RPS6KA2: variants seen among roughly 807,000 people sequenced by gnomAD.
RPS6KA2 encodes ribosomal protein S6 kinase A2, also known as ribosomal protein S6 kinase alpha-2.
In RPS6KA2, 42 loss-of-function variants were observed where a neutral mutation model predicts 91.8. The observed-to-expected ratio is 0.46, with a 90% CI of 0.36 to 0.59. The LOEUF (loss-of-function observed/expected upper bound fraction) is 0.59, where lower values mean the gene tolerates loss of function less well. Among genes scored for constraint, RPS6KA2 ranks in the 20% least tolerant of loss-of-function variants. RPS6KA2 has a pLI of 0.00. For missense variants in RPS6KA2, 798 were observed against 978.5 expected, an observed-to-expected ratio of 0.82 and a Z score of 2.46; for synonymous variants, 414 against 393.6, an observed-to-expected ratio of 1.05 and a Z score of -0.61.
intron 1 of RPS6KA2, among the ~76,000 whole-genome samples, chr6:166,540,190 T>C (rs1783610264): frequency 6.6e-6 from 1 of 152,206 alleles, no homozygotes; most frequent in Non-Finnish European, 1.5e-5. Context: ...GACTTCCAAA[T>C]GAAATCACAA....
At chr6:166,637,344 C>A (rs1787279059) in intron 2 of RPS6KA2, among the ~76,000 whole-genome samples, 1 of 152,224 alleles carries the variant, frequency 6.6e-6, no homozygotes, top group African/African-American at 2.4e-5. Context: ...CCAACAGGGA[C>A]CTCCAGGAGA....
At chr6:166,542,094 A>G (rs937516294) in intron 1 of RPS6KA2, among the ~76,000 whole-genome samples, 5 of 152,116 alleles carry the variant, frequency 3.3e-5, no homozygotes, top group African/African-American at 1.2e-4. Flanking sequence ...ACAAAACAAA[A>G]CAAACAAAGA....
chr6:166,458,383 G>A (rs1209207132), intron 12 of RPS6KA2, among the ~76,000 whole-genome samples: 2 of 152,190 alleles, frequency 1.3e-5, no homozygotes, highest in African/African-American at 2.4e-5. Flanking sequence ...CACGTAAGAT[G>A]GGGCTTGCTT....
exon 1 of RPS6KA2, chr6:166,862,147 T>C: frequency 1.2e-6 from 2 of 1,614,240 alleles, no homozygotes; most frequent in Non-Finnish European, 1.7e-6. Context: ...TTTTCCATAG[T>C]TCCAGCAACT....
intron 2 of RPS6KA2, among the ~76,000 whole-genome samples, chr6:166,778,336 A>G (rs1348576605): frequency 6.6e-6 from 1 of 152,264 alleles, no homozygotes; most frequent in Non-Finnish European, 1.5e-5. Flanking sequence ...AATACATTCA[A>G]GATGCGTTAA....
At position 166,626,819 on chromosome 6, in the gene RPS6KA2, C is replaced by T; in HGVS notation, c.99+102G>A. On this transcript the variant is annotated intron_variant, in intron 1 of 20. Coordinates refer to ENST00000265678, the MANE Select transcript of RPS6KA2 (RefSeq NM_021135.6). This position sits in a 1 kb window ranked among gnomAD's most constrained non-coding sequence, Gnocchi z 4.1. The stretch of plus-strand genomic sequence containing the variant: ...CCAGCTTTCCAGTAACTTGAACTCC[C>T]TGACGGGTCTCGGGGTCCACCCAGG... 1 of 989,000 alleles carries T rather than the reference C, an allele frequency of 1.0e-6. No homozygotes were observed. The highest frequency in any genetic ancestry group is 1.3e-6 in the Non-Finnish European group (1 of 751,920). 61.3% of individuals were successfully genotyped at this position (989,000 alleles called of 1,614,324 possible).
Position 166,533,375 on chromosome 6 carries a change from G to C in RPS6KA2, c.217-2062C>G, listed in dbSNP as rs1410136168. On this transcript the variant is annotated intron_variant, in intron 2 of 20. Coordinates refer to ENST00000265678, the MANE Select transcript of RPS6KA2 (RefSeq NM_021135.6). This position sits in a 1 kb window ranked among gnomAD's most constrained non-coding sequence, Gnocchi z 4.0. ...GTCCAGGAGCTGGGCAAGGCTGCGT[G>C]AGCGTCCCGGTGCCGGAGAGGCCGC... Among the ~76,000 whole-genome samples the C allele has an allele frequency of 6.6e-6, 1 of 152,248 alleles. No individual in the cohort carries two copies. The highest frequency in any genetic ancestry group is 1.5e-5 in the Non-Finnish European group (1 of 68,046).
chr6:166,513,445 A>G (rs1782538140), intron 3 of RPS6KA2, among the ~76,000 whole-genome samples: 1 of 152,248 alleles, frequency 6.6e-6, no homozygotes, highest in South Asian at 2.1e-4. Flanking sequence ...TTTATTGCTT[A>G]AAAGACCTTG....
chr6:166,519,318 G>T (rs181148546), intron 3 of RPS6KA2, among the ~76,000 whole-genome samples: 31 of 152,338 alleles, frequency 2.0e-4, no homozygotes, highest in Middle Eastern at 3.4e-3. Flanking sequence ...TACTTAACAG[G>T]TTAGTCTGGA....
rs778976710 is a variant in RPS6KA2, at chr6:166,662,987, C to T, written c.124-124203G>A. 2.6e-5 allele frequency among the ~76,000 whole-genome samples: 4 copies of T among 152,082 alleles called. No homozygotes were observed. The highest frequency in any genetic ancestry group is 2.1e-4 in the South Asian group (1 of 4,808). On this transcript the variant is annotated intron_variant, in intron 2 of 21. Coordinates refer to the RPS6KA2 transcript ENST00000503859. This position sits in a 1 kb window ranked among gnomAD's most constrained non-coding sequence, Gnocchi z 4.3. ...CCATCTGCAAGCAAGAGGAGAGCCA[C>T]GGAAGACACCAGCCCCACCAAGACC... is the stretch of plus-strand genomic sequence containing the variant.
chr6:166,751,094 G>T (rs1042706777), intron 2 of RPS6KA2, among the ~76,000 whole-genome samples: 1 of 152,236 alleles, frequency 6.6e-6, no homozygotes, highest in African/African-American at 2.4e-5. Context: ...CCGAGCTGCA[G>T]GTGACGGCAG....
chr6:166,830,141 AGAAAGAAAG>A (rs1270943802), intron 2 of RPS6KA2, among the ~76,000 whole-genome samples: 1 of 25,390 alleles, frequency 3.9e-5, no homozygotes, highest in African/African-American at 1.1e-4. Flanking sequence ...AAAAAAAAAA[AGAAAGAAAG>A]AAAGAAAGAA....
At chr6:166,462,354 C>G (rs1303906977) in intron 11 of RPS6KA2, among the ~76,000 whole-genome samples, 1 of 152,218 alleles carries the variant, frequency 6.6e-6, no homozygotes, top group African/African-American at 2.4e-5. Context: ...ACCACAGCCT[C>G]GCTTCACAGC....
At chr6:166,669,498 T>C (rs1373292985) in intron 2 of RPS6KA2, among the ~76,000 whole-genome samples, 1 of 152,140 alleles carries the variant, frequency 6.6e-6, no homozygotes, top group Non-Finnish European at 1.5e-5. Flanking sequence ...CTGCCCCAAG[T>C]CAGGTCCTAC....
At chr6:166,473,771 T>C (rs1780857997) in intron 10 of RPS6KA2, among the ~76,000 whole-genome samples, 1 of 152,186 alleles carries the variant, frequency 6.6e-6, no homozygotes, top group South Asian at 2.1e-4. Context: ...CAGTAGAATC[T>C]TACTGGCTGC....
chr6:166,715,907 G>A (rs573750698), intron 2 of RPS6KA2, among the ~76,000 whole-genome samples: 7 of 151,948 alleles, frequency 4.6e-5, no homozygotes, highest in African/African-American at 1.4e-4. Context: ...GCATGGAGAC[G>A]CATGCCTGTA....
At chr6:166,559,123 G>C (rs552844556) in intron 1 of RPS6KA2, among the ~76,000 whole-genome samples, 1 of 152,240 alleles carries the variant, frequency 6.6e-6, no homozygotes, top group South Asian at 2.1e-4. Context: ...TTTGGACCTG[G>C]AATATGACAC....
At chr6:166,421,730 A>C (rs1778727621) in intron 17 of RPS6KA2, among the ~76,000 whole-genome samples, 2 of 152,286 alleles carry the variant, frequency 1.3e-5, no homozygotes. Context: ...ATGTGTGTTA[A>C]TAAACTTCTT....
chr6:166,795,781 G>T (rs1049894429), intron 2 of RPS6KA2, among the ~76,000 whole-genome samples: 7 of 152,192 alleles, frequency 4.6e-5, no homozygotes, highest in African/African-American at 1.7e-4. Context: ...TCGGACCACA[G>T]GAATCAGGAA....
Sources: allele counts gnomAD v4.1 joint callset (sites outside exome capture counted in the v4.1 genomes callset), GRCh38; gene constraint gnomAD v4.1.1; non-coding constraint Gnocchi (gnomAD v3.1); transcripts MANE v1.5; gene names NCBI Gene and HGNC (gene_info 2026-07-23, HGNC 2026-07-21).